DCPH1: variants seen among roughly 807,000 people sequenced by gnomAD.
DCPH1 encodes damage-control phosphatase 1.
chr6:151,458,560 C>A, the DCPH1 span: 3 of 1,608,808 alleles, frequency 1.9e-6, no homozygotes, highest in African/African-American at 1.3e-5. Flanking sequence ...ATTCATGAAG[C>A]AATTATCCAG....
the DCPH1 span, among the ~76,000 whole-genome samples, chr6:151,456,935 CAG>C: frequency 2.0e-5 from 3 of 152,202 alleles, no homozygotes; most frequent in Admixed American, 1.3e-4. Flanking sequence ...TGACTGAAGG[CAG>C]AGTTTATTGT....
chr6:151,463,281 T>A, the DCPH1 span, among the ~76,000 whole-genome samples: 2 of 152,230 alleles, frequency 1.3e-5, no homozygotes, highest in Non-Finnish European at 2.9e-5. Flanking sequence ...ATTTGGAACT[T>A]CTTTCAGAGC....
At chr6:151,461,380 G>A in the DCPH1 span, among the ~76,000 whole-genome samples, 3 of 148,332 alleles carry the variant, frequency 2.0e-5, no homozygotes, top group African/African-American at 5.0e-5. Context: ...TCAAAAATGC[G>A]TATTTTTAGG....
At chr6:151,469,275 T>C in the DCPH1 span, 8 of 546,696 alleles carry the variant, frequency 1.5e-5, no homozygotes, top group South Asian at 1.3e-4. Flanking sequence ...CTTTTGAACA[T>C]TTTGCCCCAC....
At chr6:151,452,540 A>G in the DCPH1 span, 3 of 1,611,490 alleles carry the variant, frequency 1.9e-6, no homozygotes, top group East Asian at 2.3e-5. Flanking sequence ...GGGATCGCGG[A>G]AAGTGATGGC....
chr6:151,458,541 T>C, the DCPH1 span: 2 of 1,610,630 alleles, frequency 1.2e-6, no homozygotes, highest in Non-Finnish European at 1.7e-6. Context: ...ATGTTACATG[T>C]ATCGAAGAAT....
the DCPH1 span, among the ~76,000 whole-genome samples, chr6:151,455,613 A>G: frequency 6.6e-6 from 1 of 152,232 alleles, no homozygotes; most frequent in Non-Finnish European, 1.5e-5. Flanking sequence ...GTTTTTCCCT[A>G]TCTCAGTAGA....
the DCPH1 span, chr6:151,464,618 G>A: frequency 1.9e-6 from 3 of 1,594,932 alleles, no homozygotes; most frequent in Non-Finnish European, 1.7e-6. Flanking sequence ...AACTTCTGCA[G>A]GTAAATGTGA....
chr6:151,458,194 A>G, the DCPH1 span: 6 of 1,171,740 alleles, frequency 5.1e-6, no homozygotes, highest in Non-Finnish European at 7.1e-6. Context: ...AGAGTTCTAA[A>G]TGTAATGTTT....
chr6:151,453,105 C>A, the DCPH1 span, among the ~76,000 whole-genome samples: 1 of 152,200 alleles, frequency 6.6e-6, no homozygotes, highest in Non-Finnish European at 1.5e-5. Flanking sequence ...TTTGTCCTTA[C>A]TTCAAAATAT....
chr6:151,458,618 T>G, the DCPH1 span: 1 of 1,480,614 alleles, frequency 6.8e-7, no homozygotes, highest in Non-Finnish European at 9.1e-7. Context: ...TAATTTATAC[T>G]TTTTCTGAAA....
the DCPH1 span, among the ~76,000 whole-genome samples, chr6:151,460,840 A>G: frequency 6.6e-6 from 1 of 152,124 alleles, no homozygotes; most frequent in Non-Finnish European, 1.5e-5. Context: ...GGCATGGAGA[A>G]GGCACCCCAG....
the DCPH1 span, among the ~76,000 whole-genome samples, chr6:151,456,447 G>T: frequency 3.2e-4 from 49 of 152,262 alleles, 1 homozygote; most frequent in African/African-American, 1.2e-3. Flanking sequence ...ATAACACAGG[G>T]ATTACCTGTT....
the DCPH1 span, chr6:151,452,864 C>T: frequency 2.2e-5 from 8 of 368,534 alleles, no homozygotes; most frequent in African/African-American, 1.7e-4. Context: ...TATTTATTCA[C>T]TTTAATAGAC....
chr6:151,462,150 C>T, the DCPH1 span, among the ~76,000 whole-genome samples: 2 of 152,174 alleles, frequency 1.3e-5, no homozygotes, highest in African/African-American at 4.8e-5. Context: ...TAGGTAAATA[C>T]ACTTCAGATA....
At chr6:151,466,667 G>T in the DCPH1 span, among the ~76,000 whole-genome samples, 2 of 152,214 alleles carry the variant, frequency 1.3e-5, no homozygotes, top group Admixed American at 6.5e-5. Flanking sequence ...TGCTGGGCAC[G>T]TAGTGGTAAA....
chr6:151,457,116 A>G, the DCPH1 span, among the ~76,000 whole-genome samples: 1 of 152,076 alleles, frequency 6.6e-6, no homozygotes, highest in Non-Finnish European at 1.5e-5. Flanking sequence ...GCCCCCACCT[A>G]TAGCAGGGCC....
chr6:151,459,431 T>A, the DCPH1 span, among the ~76,000 whole-genome samples: 9 of 152,200 alleles, frequency 5.9e-5, no homozygotes, highest in Non-Finnish European at 1.3e-4. Flanking sequence ...AGTACACATG[T>A]TTCAAAGTAA....
the DCPH1 span, among the ~76,000 whole-genome samples, chr6:151,467,417 A>T: frequency 1.3e-5 from 2 of 152,022 alleles, no homozygotes; most frequent in Admixed American, 6.6e-5. Flanking sequence ...TGGTCAACAT[A>T]GTGAGACCCC....
Sources: allele counts gnomAD v4.1 joint callset (sites outside exome capture counted in the v4.1 genomes callset), GRCh38; gene constraint gnomAD v4.1.1; transcripts MANE v1.5; gene names NCBI Gene and HGNC (gene_info 2026-07-23, HGNC 2026-07-21).